The following ATP2B1 variants were observed in gnomAD, a reference collection of about 807,000 sequenced individuals.
ATP2B1 encodes the protein ATPase plasma membrane Ca2+ transporting 1.
Under a neutral mutation model 124.2 loss-of-function variants are expected in ATP2B1, and 14 were observed. That is an observed-to-expected ratio of 0.11 (90% CI 0.07 to 0.18). The LOEUF is 0.18. Among genes scored for constraint, ATP2B1 ranks in the 10% least tolerant of loss-of-function variants. The pLI is 1.00. For missense variants in ATP2B1, 763 were observed against 1,466.1 expected (o/e 0.52, Z 7.83); for synonymous variants, 449 against 492.4 (o/e 0.91, Z 1.17).
At chr12:89,684,519 T>C (rs183947091) in intron 1 of ATP2B1, among the ~76,000 whole-genome samples, 1 of 152,254 alleles carries the variant, frequency 6.6e-6, no homozygotes, top group African/African-American at 2.4e-5. Flanking sequence ...ACAGACAACA[T>C]ACACATGCCT....
chr12:89,657,174 T>C lies in ATP2B1; in HGVS notation c.-221-1067A>G, dbSNP rs529682993. 5.3e-5 allele frequency among the ~76,000 whole-genome samples: 8 copies of C among 152,348 alleles called. No homozygotes were observed. The East Asian group carries it at 1.2e-3, about 22-fold the overall frequency. On this transcript the variant is annotated intron_variant, in intron 1 of 20. Transcript: ENST00000428670. Reference sequence around the variant, plus strand: ...CTCGGCTAGGAATCTTAAATCATCTTTGATTCCATCCTTTCCGGCTTCAGT... The same window carrying C: ...CTCGGCTAGGAATCTTAAATCATCTCTGATTCCATCCTTTCCGGCTTCAGT...
chr12:89,602,989 C>A (rs2135941798), intron 18 of ATP2B1, 54 bp downstream of exon 18: 1 of 1,502,848 alleles, frequency 6.7e-7, no homozygotes, highest in Non-Finnish European at 9.2e-7. Flanking sequence ...AGCTGTTTAC[C>A]TAATGTCTCC....
intron 2 of ATP2B1, among the ~76,000 whole-genome samples, chr12:89,645,427 A>T (rs914296141): frequency 2.0e-5 from 3 of 152,248 alleles, no homozygotes; most frequent in Admixed American, 2.0e-4. Context: ...GAACAAGAAC[A>T]TTCAATAAGT....
chr12:89,663,522 A>AAGT (rs141852119), intron 1 of ATP2B1, among the ~76,000 whole-genome samples: 152,305 of 152,324 alleles, frequency 1, 76,143 homozygotes, highest in Non-Finnish European at 1. Context: ...TAAAGTTGGC[A>AAGT]AGGTCTAAAT....
At chr12:89,611,623 T>C in intron 12 of ATP2B1, 1 of 337,828 alleles carries the variant, frequency 3.0e-6, no homozygotes. Flanking sequence ...TTGTTTGCAG[T>C]ATTTATTTAC....
At chr12:89,630,217 C>T (rs776828805) in intron 6 of ATP2B1, among the ~76,000 whole-genome samples, 20 of 152,076 alleles carry the variant, frequency 1.3e-4, no homozygotes, top group Admixed American at 2.6e-4. Context: ...AAAAATCCGC[C>T]GTGAGAGTTC....
chr12:89,612,161 A>G (rs773354937), intron 12 of ATP2B1: 10 of 152,226 alleles, frequency 6.6e-5, no homozygotes, highest in Non-Finnish European at 1.3e-4. Flanking sequence ...AAAACATATG[A>G]TATACTTGAT....
intron 18 of ATP2B1, among the ~76,000 whole-genome samples, chr12:89,602,812 AGTTGGAAGAAATAAAACT>A (rs1387715738): frequency 3.4e-4 from 52 of 152,198 alleles, no homozygotes; most frequent in Non-Finnish European, 2.9e-5. Context: ...TTCACTTTAC[AGTTGGAAGAAATAAAACT>A]GTTTGTCTAG....
intron 1 of ATP2B1, among the ~76,000 whole-genome samples, chr12:89,675,345 TATAA>T (rs1397514130): frequency 1.3e-5 from 2 of 152,204 alleles, no homozygotes; most frequent in African/African-American, 4.8e-5. Context: ...AATCATGTTA[TATAA>T]ATGTCAACTT....
At chr12:89,658,528 CTG>C (rs1886236726) in intron 1 of ATP2B1, among the ~76,000 whole-genome samples, 2 of 148,842 alleles carry the variant, frequency 1.3e-5, no homozygotes, top group East Asian at 4.0e-4. Context: ...AGTAATAAAA[CTG>C]TTTTTTTTTA....
intron 1 of ATP2B1, among the ~76,000 whole-genome samples, chr12:89,692,951 T>C (rs924971523): frequency 6.6e-6 from 1 of 152,228 alleles, no homozygotes; most frequent in Non-Finnish European, 1.5e-5. Flanking sequence ...TCACTTAATG[T>C]TGCAGTGTCC....
At position 89,603,917 on chromosome 12, in the gene ATP2B1, C is replaced by T. The variant is rs1459580867; in HGVS notation, c.2643G>A (p.Pro881=). Residue 881 remains proline, a synonymous_variant, in exon 17 of 21, where the codon CCG becomes CCA. Coordinates refer to ENST00000428670, the MANE Select transcript of ATP2B1 (RefSeq NM_001366521.1). This position sits in a 1 kb window ranked among gnomAD's most constrained non-coding sequence, Gnocchi z 4.3. ...CCCACAGCATCTGCACAGCCTTAAG[C>T]GGTGAGTCCTAGAAAAGATATGTTT... ...FTGACITQDS[P]LKAVQMLWVN... is the part of the protein sequence containing the mutation. 1.4e-5 allele frequency: 23 copies of T among 1,613,708 alleles called. No individual in the cohort carries two copies. The highest frequency in any genetic ancestry group is 2.2e-5 in the East Asian group (1 of 44,868).
At chr12:89,656,317 G>A (rs1386134168) in intron 1 of ATP2B1, among the ~76,000 whole-genome samples, 1 of 152,164 alleles carries the variant, frequency 6.6e-6, no homozygotes, top group Non-Finnish European at 1.5e-5. Flanking sequence ...GAAGACATTA[G>A]ATTACATTAT....
chr12:89,677,476 A>C lies in ATP2B1; in HGVS notation c.-221-21369T>G, dbSNP rs80159247. ...TGATTCACCACACTTTAAATGGAAG[A>C]ACACAAGACCAAGCTTATAATGAAA... On this transcript the variant is annotated intron_variant, in intron 1 of 20. Coordinates refer to ENST00000428670, the MANE Select transcript of ATP2B1 (RefSeq NM_001366521.1). Among the ~76,000 whole-genome samples, 698 of 152,266 alleles carry C rather than the reference A, an allele frequency of 4.6e-3. 6 individuals carry two copies. The highest frequency in any genetic ancestry group is 0.016 in the African/African-American group (676 of 41,568).
chr12:89,591,682 CAAAT>C (rs1299175682), intron 20 of ATP2B1, among the ~76,000 whole-genome samples: 8 of 151,872 alleles, frequency 5.3e-5, no homozygotes, highest in East Asian at 1.9e-4. Flanking sequence ...GAAAACAACT[CAAAT>C]AAGTTAAACA....
chr12:89,599,822 C>T (rs990698788), intron 19 of ATP2B1, among the ~76,000 whole-genome samples: 13 of 151,878 alleles, frequency 8.6e-5, no homozygotes, highest in Admixed American at 4.6e-4. Context: ...TGATTGATGA[C>T]GCCAAACAAA....
intron 2 of ATP2B1, 75 bp from the exon 3 acceptor site, chr12:89,642,430 CCTCAA>C (rs1297956078): frequency 8.1e-6 from 11 of 1,356,536 alleles, no homozygotes; most frequent in African/African-American, 2.9e-5. Context: ...ATTCAAAATA[CCTCAA>C]CTCATCACTC....
intron 8 of ATP2B1, among the ~76,000 whole-genome samples, chr12:89,625,745 G>C (rs1313616186): frequency 6.6e-6 from 1 of 152,024 alleles, no homozygotes; most frequent in Non-Finnish European, 1.5e-5. Context: ...ATTACCACTT[G>C]GCTACATATT....
chr12:89,623,816 CTTTT>C (rs891134933), intron 9 of ATP2B1, among the ~76,000 whole-genome samples: 1 of 151,804 alleles, frequency 6.6e-6, no homozygotes, highest in Non-Finnish European at 1.5e-5. Context: ...TAATTTTTAA[CTTTT>C]TTTTTAATTT....
Sources: allele counts gnomAD v4.1 joint callset (sites outside exome capture counted in the v4.1 genomes callset), GRCh38; gene constraint gnomAD v4.1.1; non-coding constraint Gnocchi (gnomAD v3.1); transcripts MANE v1.5; gene names NCBI Gene and HGNC (gene_info 2026-07-23, HGNC 2026-07-21).